The following PLAT variants were observed in gnomAD, a reference collection of about 807,000 sequenced individuals.
The protein encoded by PLAT is plasminogen activator, tissue type.
Under a neutral mutation model 74.9 loss-of-function variants are expected in PLAT, and 48 were observed. The ratio of observed to expected loss-of-function variants is 0.64; its 90% CI spans 0.51 to 0.82. PLAT has a LOEUF of 0.82. Among genes scored for constraint, PLAT ranks in the 40% least tolerant of loss-of-function variants. The probability of loss-of-function intolerance (pLI) is 0.00; values close to 1 mark genes in which losing one functional copy is unlikely to be tolerated. For missense variants in PLAT, 673 were observed against 736.2 expected (o/e 0.91, Z 0.99); for synonymous variants, 307 against 294.4 (o/e 1.04, Z -0.44).
At chr8:42,197,958 C>T (rs747491412) in intron 1 of PLAT, among the ~76,000 whole-genome samples, 3 of 152,178 alleles carry the variant, frequency 2.0e-5, no homozygotes, top group African/African-American at 4.8e-5. Context: ...GTTGTGAGAA[C>T]ATACGACATG....
In PLAT at chr8:42,176,136, G is replaced by A. The variant is rs754683892; in HGVS notation, c.1546C>T (p.Pro516Ser). ...HDACQGDSGGPLVCLNDGRMT... is the reference protein window; with the variant it reads ...HDACQGDSGGSLVCLNDGRMT... ...CGGCCATCGTTCAGACACACCAGGG[G>A]GCCTCCCGAATCGCCCTGCAAAGGA... Residue 516 changes from proline (P) to serine (S), a missense_variant, in exon 14 of 14, where the codon CCC (proline) becomes TCC (serine). By Grantham distance (74) the Pro-to-Ser change is moderately conservative (BLOSUM62 -1). Transcript: ENST00000220809. The A allele has an allele frequency of 4.3e-6, 7 of 1,613,636 alleles. No individual in the cohort carries two copies. The highest frequency in any genetic ancestry group is 5.9e-6 in the Non-Finnish European group (7 of 1,179,752).
At chr8:42,190,644 G>T (rs1318416351) in intron 3 of PLAT, among the ~76,000 whole-genome samples, 1 of 152,186 alleles carries the variant, frequency 6.6e-6, no homozygotes, top group Non-Finnish European at 1.5e-5. Context: ...TCTGGGGAGT[G>T]AGTCACCCTT....
chr8:42,203,511 A>G (rs1441937925), intron 1 of PLAT, among the ~76,000 whole-genome samples: 1 of 152,226 alleles, frequency 6.6e-6, no homozygotes, highest in Non-Finnish European at 1.5e-5. Flanking sequence ...TTTCTAAAAC[A>G]CTTGCTGTGT....
chr8:42,201,296 A>G (rs1006222566), intron 1 of PLAT, among the ~76,000 whole-genome samples: 6 of 152,184 alleles, frequency 3.9e-5, no homozygotes, highest in African/African-American at 1.4e-4. Flanking sequence ...TCATGGGCTA[A>G]TCATTTCCGT....
At chr8:42,204,006 C>G (rs895752863) in intron 1 of PLAT, among the ~76,000 whole-genome samples, 3 of 133,342 alleles carry the variant, frequency 2.2e-5, no homozygotes, top group South Asian at 2.3e-4. Flanking sequence ...CACACACACA[C>G]ACACACACAC....
At chr8:42,201,515 A>G (rs1230358597) in intron 1 of PLAT, among the ~76,000 whole-genome samples, 2 of 152,056 alleles carry the variant, frequency 1.3e-5, no homozygotes, top group African/African-American at 2.4e-5. Flanking sequence ...CCCCGTTAAT[A>G]CTGAATCCTG....
Position 42,180,004 on chromosome 8 carries a change from C to T in PLAT, c.1285G>A (p.Val429Met). 6.2e-7 allele frequency: 1 copy of T among 1,609,646 alleles called. No individual in the cohort carries two copies. Among genetic ancestry groups the T allele is most frequent in the Non-Finnish European group, 8.5e-7 (1 of 1,177,642 alleles). ...CAQESSVVRT[V>M]CLPPADLQLP... ...TGCAGGTCCGCCGGGGGAAGGCACA[C>T]AGTGCGGACCACGCTGCTCTCCTGG... is the stretch of plus-strand genomic sequence containing the variant. Residue 429 changes from valine (V) to methionine (M), a missense_variant, in exon 12 of 14, where the codon GTG becomes ATG. By Grantham distance (21) the Val-to-Met change is conservative. Coordinates refer to ENST00000220809, the MANE Select transcript of PLAT (RefSeq NM_000930.5).
Position 42,181,989 on chromosome 8 carries a change from G to A in PLAT, c.837C>T (p.His279=), listed in dbSNP as rs114720257. The change falls in exon 9 of 14, where the codon CAC becomes CAT. Residue 279 remains histidine (H), a synonymous_variant. Transcript: ENST00000220809. ...NPDGDAKPWC[H]VLKNRRLTWE... is the part of the protein sequence containing the mutation. ...ACGTCAGCCTGCGGTTCTTCAGCAC[G>A]TGGCACCAGGGCTTGGCATCCCCAT... The A allele has an allele frequency of 1.2e-3, 1,879 of 1,611,728 alleles. 11 individuals are homozygous for A. Among genetic ancestry groups the A allele is most frequent in the South Asian group, 3.5e-3 (316 of 91,036 alleles).
In PLAT at chr8:42,179,969, G is replaced by T; in HGVS notation, c.1320C>A (p.Asp440Glu). The change falls in exon 12 of 14, where the codon GAC (aspartate) becomes GAA (glutamate). Residue 440 changes from aspartate (D) to glutamate (E), a missense_variant. Asp to Glu is a conservative substitution (Grantham distance 45). Coordinates refer to ENST00000220809, the MANE Select transcript of PLAT (RefSeq NM_000930.5). ...CLPPADLQLP[D>E]WTECELSGYG... ...AGCCGGAGAGCTCACACTCCGTCCA[G>T]TCCGGCAGCTGCAGGTCCGCCGGGG... is the stretch of plus-strand genomic sequence containing the variant. 3 of 1,608,460 alleles carry T rather than the reference G, an allele frequency of 1.9e-6. No homozygotes were observed. Among genetic ancestry groups the T allele is most frequent in the Non-Finnish European group, 2.5e-6 (3 of 1,177,136 alleles).
At chr8:42,187,327 T>C in intron 6 of PLAT, 71 bp downstream of exon 6, 1 of 1,364,410 alleles carries the variant, frequency 7.3e-7, no homozygotes, top group Non-Finnish European at 9.9e-7. Flanking sequence ...CCCTGACGGA[T>C]CTGACAGAAT....
chr8:42,200,034 A>G (rs1284376736), intron 1 of PLAT, among the ~76,000 whole-genome samples: 2 of 152,226 alleles, frequency 1.3e-5, no homozygotes, highest in African/African-American at 2.4e-5. Context: ...GTATCATTAT[A>G]TGACTTTACC....
intron 3 of PLAT, 115 bp downstream of exon 3, chr8:42,191,257 C>A: frequency 1.2e-6 from 1 of 825,494 alleles, no homozygotes; most frequent in Non-Finnish European, 2.1e-6. Context: ...ATGGCACTGT[C>A]ACACCGTAGG....
In PLAT at chr8:42,196,604, C is replaced by A. The variant is rs139990438; in HGVS notation, c.-26-3393G>T. Among the ~76,000 whole-genome samples the A allele has an allele frequency of 5.4e-3, 826 of 152,168 alleles. 8 individuals carry two copies. Among genetic ancestry groups the A allele is most frequent in the Middle Eastern group, 0.017 (5 of 294 alleles). Reference sequence around the variant, plus strand: ...CTGGGGCCAGTGACGGGATGCAGAGCAGAGTGAAAGCCAGAACAATGGACT... The same window carrying A: ...CTGGGGCCAGTGACGGGATGCAGAGAAGAGTGAAAGCCAGAACAATGGACT... On this transcript the variant is annotated intron_variant, in intron 1 of 13. Transcript: ENST00000220809.
chr8:42,191,495 T>G, intron 2 of PLAT, 81 bp from the exon 3 acceptor site: 1 of 1,303,836 alleles, frequency 7.7e-7, no homozygotes, highest in Non-Finnish European at 1.1e-6. Context: ...CAGAAGCCCA[T>G]GTGAACCTGC....
intron 9 of PLAT, 123 bp from the exon 10 acceptor site, chr8:42,180,808 C>T (rs780494994): frequency 8.9e-6 from 6 of 671,772 alleles, no homozygotes; most frequent in South Asian, 3.9e-5. Context: ...ATCAGCATGC[C>T]GAATGTTGTC....
At chr8:42,205,817 G>T (rs1278957612) in intron 1 of PLAT, among the ~76,000 whole-genome samples, 1 of 152,200 alleles carries the variant, frequency 6.6e-6, no homozygotes, top group African/African-American at 2.4e-5. Flanking sequence ...ATCTCCAGAG[G>T]CCGTGTCACA....
At chr8:42,184,121 T>C (rs1805357671) in intron 7 of PLAT, among the ~76,000 whole-genome samples, 1 of 151,722 alleles carries the variant, frequency 6.6e-6, no homozygotes, top group Admixed American at 6.6e-5. Flanking sequence ...TTGTATTTTT[T>C]GTAGAGATGG....
chr8:42,196,133 C>A (rs764788280), intron 1 of PLAT, among the ~76,000 whole-genome samples: 19 of 152,186 alleles, frequency 1.2e-4, no homozygotes, highest in Non-Finnish European at 1.8e-4. Flanking sequence ...GGGAACATCC[C>A]CCTTTCTGGA....
rs1246999836 is a variant in PLAT at position 42,176,179 on chromosome 8, T to C, written c.1531-28A>G. 4 of 1,588,252 alleles carry C rather than the reference T, an allele frequency of 2.5e-6. No homozygotes were observed. The Admixed American group carries it at 7.2e-5, about 29-fold the overall frequency. On this transcript the variant is annotated intron_variant, in intron 13 of 13. Coordinates refer to ENST00000220809, the MANE Select transcript of PLAT (RefSeq NM_000930.5). ...GCAAAGGAGATAGCAGGTTTGGCGT[T>C]TGCAAAAAAAGCAGACTATCTGGAG...
Sources: gnomAD v4.1 joint callset for allele counts (sites outside exome capture counted in the v4.1 genomes callset) on GRCh38, gnomAD v4.1.1 for gene constraint, MANE v1.5 for transcripts, NCBI Gene and HGNC (gene_info 2026-07-23, HGNC 2026-07-21) for gene names.